TBC1D8: variants seen among roughly 807,000 people sequenced by gnomAD.
TBC1D8 encodes the protein TBC1 domain family member 8.
Under a neutral mutation model 118.8 loss-of-function variants are expected in TBC1D8, and 65 were observed. The observed-to-expected ratio is 0.55, with a 90% CI of 0.45 to 0.67. TBC1D8 has a LOEUF of 0.67. Among genes scored for constraint, TBC1D8 ranks in the 30% least tolerant of loss-of-function variants. The pLI is 0.00. For synonymous variants in TBC1D8, 566 were observed against 595.8 expected (o/e 0.95, Z 0.73); for missense variants, 1,376 against 1,471.2 (o/e 0.94, Z 1.06).
In TBC1D8 at chr2:101,040,380, A is replaced by AG; in HGVS notation, c.877dup (p.Leu293ProfsTer8). On this transcript the variant is annotated frameshift_variant, in exon 6 of 20. Transcript: ENST00000409318. LOFTEE classifies it high-confidence loss of function. ...GAACTCATTCTGTGCTCTGGCTTCC[A>AG]GGTCCCTGGGGAAGGACAGGGAGAG... The AG allele has an allele frequency of 6.3e-7, 1 of 1,594,642 alleles. No individual in the cohort carries two copies. Among genetic ancestry groups the AG allele is most frequent in the Non-Finnish European group, 8.5e-7 (1 of 1,169,946 alleles).
At chr2:101,136,264 A>T (rs1053912629) in intron 1 of TBC1D8, among the ~76,000 whole-genome samples, 2 of 152,164 alleles carry the variant, frequency 1.3e-5, no homozygotes, top group African/African-American at 4.8e-5. Flanking sequence ...GCAATGAGTG[A>T]GTTTTCACTC....
chr2:101,035,460 T>G (rs2310027), intron 9 of TBC1D8, among the ~76,000 whole-genome samples: 92,442 of 151,956 alleles, frequency 0.61, 28,872 homozygotes, highest in Middle Eastern at 0.77. Context: ...ATGGGTGCAG[T>G]GAGAGGCCCC....
At chr2:101,144,758 T>A (rs1162341733) in intron 1 of TBC1D8, among the ~76,000 whole-genome samples, 2 of 152,116 alleles carry the variant, frequency 1.3e-5, no homozygotes, top group Admixed American at 6.6e-5. Flanking sequence ...GCAACAATGG[T>A]GAAACCCTGT....
chr2:101,078,634 A>G (rs1675008296), intron 2 of TBC1D8, among the ~76,000 whole-genome samples: 1 of 151,532 alleles, frequency 6.6e-6, no homozygotes, highest in Non-Finnish European at 1.5e-5. Context: ...TTCAGTCCTC[A>G]CGCATGTACA....
intron 2 of TBC1D8, among the ~76,000 whole-genome samples, chr2:101,082,037 G>C (rs1054705920): frequency 1.3e-5 from 2 of 152,226 alleles, no homozygotes; most frequent in South Asian, 4.1e-4. Flanking sequence ...TACTCAGGAG[G>C]CTGAGGCAAG....
chr2:101,033,392 T>C (rs1001457898), intron 10 of TBC1D8, 152 bp downstream of exon 10: 1 of 909,460 alleles, frequency 1.1e-6, no homozygotes, highest in Non-Finnish European at 1.8e-6. Flanking sequence ...TGGCCCTCAT[T>C]TGATACTTTC....
At chr2:101,087,387 A>G (rs565642020) in intron 2 of TBC1D8, among the ~76,000 whole-genome samples, 6 of 152,228 alleles carry the variant, frequency 3.9e-5, no homozygotes, top group Admixed American at 2.0e-4. Context: ...CTGTAATCCC[A>G]GCACTCTGGG....
At chr2:101,140,006 C>T (rs556252943) in intron 1 of TBC1D8, among the ~76,000 whole-genome samples, 15 of 152,324 alleles carry the variant, frequency 9.8e-5, no homozygotes, top group African/African-American at 3.6e-4. Context: ...TTTCTTTCTG[C>T]TGCTTTATCT....
chr2:101,140,145 C>T (rs1040523599), intron 1 of TBC1D8, among the ~76,000 whole-genome samples: 2 of 152,122 alleles, frequency 1.3e-5, no homozygotes, highest in Non-Finnish European at 2.9e-5. Flanking sequence ...GGTTAATAAA[C>T]TGAGACCCTA....
Position 101,125,578 on chromosome 2 carries a change from A to C in TBC1D8, c.127+25549T>G, listed in dbSNP as rs183022545. Among the ~76,000 whole-genome samples the C allele has an allele frequency of 2.2e-3, 339 of 152,354 alleles. 1 individual carries two copies. The highest frequency in any genetic ancestry group is 4.0e-3 in the Non-Finnish European group (273 of 68,024). ...TGCCCTTACTATCAATGATCCTCTG[A>C]AAAACTAAGCCACAAACCACAAGCA... On this transcript the variant is annotated intron_variant, in intron 1 of 19. Coordinates refer to ENST00000409318, the MANE Select transcript of TBC1D8 (RefSeq NM_001330348.2).
chr2:101,032,488 T>C (rs1680730082), intron 10 of TBC1D8, 103 bp from the exon 11 acceptor site: 1 of 918,956 alleles, frequency 1.1e-6, no homozygotes, highest in Non-Finnish European at 1.7e-6. Context: ...AAAGATTTCA[T>C]AGGTGAGAGA....
rs375959757 is a variant in TBC1D8, at chr2:101,033,619, G to T, written c.1743C>A (p.Asn581Lys). ...RSLPEHPAFQ[N>K]ETGIAALRRV... ...TCCTCAAAGCAGCAATTCCCGTTTC[G>T]TTCTGGAAGGCGGGGTGCTCTGGCA... Residue 581 changes from asparagine to lysine, a missense_variant, in exon 10 of 20, where the codon AAC becomes AAA. Asn to Lys is a moderately conservative substitution (Grantham distance 94). Transcript: ENST00000409318. 2 of 1,613,910 alleles carry T rather than the reference G, an allele frequency of 1.2e-6. No individual in the cohort carries two copies. The highest frequency in any genetic ancestry group is 1.6e-4 in the Middle Eastern group (1 of 6,062).
In TBC1D8 at chr2:101,027,416, A is replaced by C. The variant is rs1680401620; in HGVS notation, c.2487T>G (p.Pro829=). The C allele has an allele frequency of 6.2e-7, 1 of 1,613,080 alleles. No homozygotes were observed. The highest frequency in any genetic ancestry group is 1.3e-5 in the African/African-American group (1 of 74,908). ...RVVIPEVSIL[P]EDLEELYDLF... is the part of the protein sequence containing the mutation. Reference sequence around the variant, plus strand: ...AGTCGTAGAGCTCCTCTAGGTCTTCAGGAAGAATTGAGACTTCCGGGATAA... The same window carrying C: ...AGTCGTAGAGCTCCTCTAGGTCTTCCGGAAGAATTGAGACTTCCGGGATAA... The change falls in exon 15 of 20, where the codon CCT becomes CCG. Residue 829 remains proline (P), a synonymous_variant. Coordinates refer to ENST00000409318, the MANE Select transcript of TBC1D8 (RefSeq NM_001330348.2).
At chr2:101,011,914 C>G (rs1679245460) in intron 17 of TBC1D8, among the ~76,000 whole-genome samples, 1 of 152,192 alleles carries the variant, frequency 6.6e-6, no homozygotes, top group African/African-American at 2.4e-5. Context: ...CACTAAATCT[C>G]TGGGTGGTGG....
chr2:101,065,675 A>G (rs1269389133), intron 2 of TBC1D8, among the ~76,000 whole-genome samples: 2 of 152,236 alleles, frequency 1.3e-5, no homozygotes, highest in Non-Finnish European at 2.9e-5. Context: ...AATAAGCTTT[A>G]AATGTTTCTT....
At chr2:101,132,622 T>C (rs1359226883) in intron 1 of TBC1D8, among the ~76,000 whole-genome samples, 1 of 152,212 alleles carries the variant, frequency 6.6e-6, no homozygotes, top group Non-Finnish European at 1.5e-5. Context: ...AGGATCTCAC[T>C]CTGCAGCCCA....
chr2:101,143,352 C>T (rs1453130176), intron 1 of TBC1D8, among the ~76,000 whole-genome samples: 1 of 152,074 alleles, frequency 6.6e-6, no homozygotes, highest in Non-Finnish European at 1.5e-5. Flanking sequence ...TGAGCCACCA[C>T]GCACAGACAC....
intron 5 of TBC1D8, among the ~76,000 whole-genome samples, 154 bp downstream of exon 5, chr2:101,050,247 C>T (rs529622885): frequency 6.6e-6 from 1 of 152,274 alleles, no homozygotes; most frequent in Admixed American, 6.5e-5. Context: ...ATATCTCTGT[C>T]GAGATTAACG....
Position 101,040,248 on chromosome 2 carries a change from G to A in TBC1D8, c.1010C>T (p.Ala337Val). ...SRCHTTGRMF[A>V]SDSYICFASR... ...GGCAAAGCAGATGTAGCTGTCAGAG[G>A]CGAACATCCGCCCCGTGGTGTGACA... Residue 337 changes from alanine to valine, a missense_variant, in exon 6 of 20, where the codon GCC (alanine) becomes GTC (valine). Ala to Val is a moderately conservative substitution (Grantham distance 64). Transcript: ENST00000409318. 6.2e-7 allele frequency: 1 copy of A among 1,614,024 alleles called. No homozygotes were observed. Among genetic ancestry groups the A allele is most frequent in the Non-Finnish European group, 8.5e-7 (1 of 1,179,896 alleles).
Sources: allele counts gnomAD v4.1 joint callset (sites outside exome capture counted in the v4.1 genomes callset), GRCh38; gene constraint gnomAD v4.1.1; transcripts MANE v1.5; gene names NCBI Gene and HGNC (gene_info 2026-07-23, HGNC 2026-07-21).